TVP23A: variants seen among roughly 807,000 people sequenced by gnomAD.
The protein encoded by TVP23A is Golgi apparatus membrane protein TVP23 homolog A.
In TVP23A, 21 loss-of-function variants were observed where a neutral mutation model predicts 31.7. The ratio of observed to expected loss-of-function variants is 0.66; its 90% CI spans 0.47 to 0.95. The LOEUF (loss-of-function observed/expected upper bound fraction) is 0.95, where lower values mean the gene tolerates loss of function less well. Ranked by LOEUF, TVP23A falls within the 40% of genes least tolerant of loss-of-function variation. The probability of loss-of-function intolerance (pLI) is 0.00; values close to 1 mark genes in which losing one functional copy is unlikely to be tolerated. For missense variants in TVP23A, 279 were observed against 255.6 expected, an observed-to-expected ratio of 1.09 and a Z score of -0.62; for synonymous variants, 104 against 96.0, an observed-to-expected ratio of 1.08 and a Z score of -0.49.
At chr16:10,811,573 AATTAT>A (rs2034201003) in intron 2 of TVP23A, among the ~76,000 whole-genome samples, 2 of 152,102 alleles carry the variant, frequency 1.3e-5, no homozygotes, top group African/African-American at 2.4e-5. Flanking sequence ...CCTGGCCATG[AATTAT>A]ATTATATTAA....
downstream of TVP23A, among the ~76,000 whole-genome samples, chr16:10,763,240 C>T (rs1191957951): frequency 2.0e-5 from 3 of 151,986 alleles, no homozygotes; most frequent in South Asian, 2.1e-4. Context: ...GGTTCATGTC[C>T]GTGCAGTTGA....
At position 10,777,175 on chromosome 16, in the gene TVP23A, G is replaced by C. The variant is rs916926483; in HGVS notation, c.90-2079C>G. On this transcript the variant is annotated intron_variant, in intron 2 of 7. Transcript: ENST00000299866. The surrounding 1 kb of genome is among the most constrained non-coding windows in gnomAD (Gnocchi z 4.5). ...GAAACCCGCACCTCAGGGCAGGGGA[G>C]GAAAAGGGAGGGATGAAAGGGACTC... Among the ~76,000 whole-genome samples the C allele has an allele frequency of 6.6e-6, 1 of 152,088 alleles. No individual in the cohort carries two copies. Among genetic ancestry groups the C allele is most frequent in the Admixed American group, 6.6e-5 (1 of 15,254 alleles).
At chr16:10,771,033 C>A (rs551526591) in intron 6 of TVP23A, among the ~76,000 whole-genome samples, 1 of 152,078 alleles carries the variant, frequency 6.6e-6, no homozygotes, top group South Asian at 2.1e-4. Context: ...CCAATAGATA[C>A]AGAAAGCAGA....
chr16:10,808,417 A>G, intron 2 of TVP23A: 1 of 413,928 alleles, frequency 2.4e-6, no homozygotes, highest in Non-Finnish European at 4.8e-6. Context: ...GAGCCCACTA[A>G]CATGTGATTT....
rs1248277744 is a variant in TVP23A, at chr16:10,777,815, T to C, written c.90-2719A>G. Among the ~76,000 whole-genome samples, 2 of 151,628 alleles carry C rather than the reference T, an allele frequency of 1.3e-5. No homozygotes were observed. The highest frequency in any genetic ancestry group is 2.9e-5 in the Non-Finnish European group (2 of 67,900). On this transcript the variant is annotated intron_variant, in intron 2 of 7. Transcript: ENST00000299866. This position sits in a 1 kb window ranked among gnomAD's most constrained non-coding sequence, Gnocchi z 4.5. Reference sequence around the variant, plus strand: ...TCACGAGGTCAAGAGACTGAGACCATCCCTGGCCAACATGGTGAAACCCCG... The same window carrying C: ...TCACGAGGTCAAGAGACTGAGACCACCCCTGGCCAACATGGTGAAACCCCG...
chr16:10,769,478 C>G (rs2031374612), intron 7 of TVP23A: 1 of 201,310 alleles, frequency 5.0e-6, no homozygotes, highest in African/African-American at 2.3e-5. Context: ...GATAAGAAAG[C>G]CTAGAAAAGA....
chr16:10,785,395 C>T (rs1369256330), intron 2 of TVP23A, among the ~76,000 whole-genome samples: 1 of 151,302 alleles, frequency 6.6e-6, no homozygotes, highest in Non-Finnish European at 1.5e-5. Flanking sequence ...CAGAGCAAGA[C>T]TCCATCTCAA....
downstream of TVP23A, among the ~76,000 whole-genome samples, chr16:10,757,328 C>T (rs1055596555): frequency 2.6e-5 from 4 of 152,066 alleles, no homozygotes; most frequent in Admixed American, 1.3e-4. This position sits in a 1 kb window ranked among gnomAD's most constrained non-coding sequence, Gnocchi z 4.1. Context: ...TTATTTTTAT[C>T]ATGGTTTTAT....
At chr16:10,789,203 T>C (rs924261592) in intron 2 of TVP23A, among the ~76,000 whole-genome samples, 4 of 152,130 alleles carry the variant, frequency 2.6e-5, no homozygotes, top group Non-Finnish European at 4.4e-5. Flanking sequence ...CAAATGTTTT[T>C]TACCAGCCTT....
chr16:10,800,694 G>C (rs549019582), intron 2 of TVP23A, among the ~76,000 whole-genome samples: 18 of 152,172 alleles, frequency 1.2e-4, no homozygotes, highest in African/African-American at 4.3e-4. Flanking sequence ...AAGCATTTTT[G>C]GCCAGGCAAA....
At chr16:10,807,020 T>C (rs763986342) in intron 2 of TVP23A, among the ~76,000 whole-genome samples, 6 of 152,150 alleles carry the variant, frequency 3.9e-5, no homozygotes, top group Non-Finnish European at 8.8e-5. Flanking sequence ...AACAATCAGC[T>C]CTTGATGGGA....
chr16:10,786,956 CT>C lies in TVP23A; in HGVS notation c.90-11861del, dbSNP rs570032047. Among the ~76,000 whole-genome samples, 11 of 151,992 alleles carry C rather than the reference CT, an allele frequency of 7.2e-5. No homozygotes were observed. In the South Asian group the frequency reaches 2.3e-3, roughly 32 times the overall value. ...GTCCAAAAAAAAAAAAAATTTAGAC[CT>C]AAAAATCCCCCATTGAGTAATGGAC... On this transcript the variant is annotated intron_variant, in intron 2 of 7. Coordinates refer to ENST00000299866, the MANE Select transcript of TVP23A (RefSeq NM_001079512.4).
At chr16:10,780,885 C>T (rs1247245829) in intron 2 of TVP23A, among the ~76,000 whole-genome samples, 1 of 152,040 alleles carries the variant, frequency 6.6e-6, no homozygotes, top group East Asian at 1.9e-4. Context: ...TCTCTCACTC[C>T]TGAGGGGACT....
At position 10,767,497 on chromosome 16, in the gene TVP23A, A is replaced by T. The variant is rs2031071389; in HGVS notation, c.*1605T>A. ...GTGTATGTGTGTGCGCACACATGCA[A>T]GTGTGCACATTTATATGCGCATAAT... On this transcript the variant is annotated 3_prime_UTR_variant, in exon 8 of 8. Transcript: ENST00000299866. The surrounding 1 kb of genome is among the most constrained non-coding windows in gnomAD (Gnocchi z 4.6). 2.3e-6 allele frequency: 1 copy of T among 429,938 alleles called. No homozygotes were observed. The highest frequency in any genetic ancestry group is 4.1e-6 in the Non-Finnish European group (1 of 245,550). The allele number at this position is 429,938 out of a possible 1,614,324, so 26.6% of individuals were successfully genotyped here.
chr16:10,771,655 A>G lies in TVP23A; in HGVS notation c.582+15T>C. 6.2e-7 allele frequency: 1 copy of G among 1,613,678 alleles called. No homozygotes were observed. Among genetic ancestry groups the G allele is most frequent in the Non-Finnish European group, 8.5e-7 (1 of 1,179,728 alleles). On this transcript the variant is annotated intron_variant, in intron 6 of 7. Coordinates refer to ENST00000299866, the MANE Select transcript of TVP23A (RefSeq NM_001079512.4). Reference sequence around the variant, plus strand: ...TGGAGAGGAGTGGTCCAAGAGTCAGACCTCAGTTACTCACCGTCTGGAACA... The same window carrying G: ...TGGAGAGGAGTGGTCCAAGAGTCAGGCCTCAGTTACTCACCGTCTGGAACA...
chr16:10,761,685 C>A, downstream of TVP23A: 9 of 1,074,074 alleles, frequency 8.4e-6, no homozygotes, highest in Admixed American at 2.7e-5. Flanking sequence ...TTTTAAGTTT[C>A]TTTAAAATGT....
rs531295459 is a variant in TVP23A at position 10,794,769 on chromosome 16, G to A, written c.90-19673C>T. ...CTGGTAGGGGTCTGTGTCTGTCTGA[G>A]AGGGGGCCACCTGTCCTAGTTTTCA... On this transcript the variant is annotated intron_variant, in intron 2 of 7. Coordinates refer to ENST00000299866, the MANE Select transcript of TVP23A (RefSeq NM_001079512.4). Among the ~76,000 whole-genome samples, 4 of 152,244 alleles carry A rather than the reference G, an allele frequency of 2.6e-5. No homozygotes were observed. In the South Asian group the frequency reaches 8.3e-4, roughly 32 times the overall value.
intron 2 of TVP23A, among the ~76,000 whole-genome samples, chr16:10,803,944 T>C (rs2033827207): frequency 6.6e-6 from 1 of 152,166 alleles, no homozygotes; most frequent in African/African-American, 2.4e-5. Context: ...AATTAAATAA[T>C]TTAAAGGGGT....
At chr16:10,771,537 A>C (rs941961501) in intron 6 of TVP23A, 133 bp downstream of exon 6, 12 of 1,229,926 alleles carry the variant, frequency 9.8e-6, no homozygotes, top group Non-Finnish European at 1.3e-5. Flanking sequence ...CCTGTCTCCC[A>C]AAAAATATAT....
Sources: allele counts gnomAD v4.1 joint callset (sites outside exome capture counted in the v4.1 genomes callset), GRCh38; gene constraint gnomAD v4.1.1; non-coding constraint Gnocchi (gnomAD v3.1); transcripts MANE v1.5; gene names NCBI Gene and HGNC (gene_info 2026-07-23, HGNC 2026-07-21).